Variants in NUP160 observed in about 807,000 individuals in gnomAD.
The protein encoded by NUP160 is nucleoporin 160, also known as nuclear pore complex protein Nup160.
A neutral mutation model predicts 196.9 loss-of-function variants in NUP160; 94 were observed. The observed-to-expected ratio is 0.48, with a 90% CI of 0.40 to 0.57. NUP160 has a LOEUF of 0.57. Ranked by LOEUF, NUP160 falls within the 20% of genes least tolerant of loss-of-function variation. The pLI, the probability that NUP160 is intolerant of heterozygous loss-of-function variation, is 0.00. For synonymous variants in NUP160, 605 were observed against 619.7 expected (o/e 0.98, Z 0.35); for missense variants, 1,638 against 1,748.3 (o/e 0.94, Z 1.13).
intron 35 of NUP160, chr11:47,779,617 C>T (rs758498265): frequency 1.2e-5 from 6 of 514,932 alleles, no homozygotes; most frequent in African/African-American, 9.7e-5. Context: ...CTCAAGGAAA[C>T]ACTATTGTTT....
Position 47,835,625 on chromosome 11 carries a change from T to C in NUP160, c.1101+26A>G, listed in dbSNP as rs775403139. ...CCACATCAGTACACACAGAATAACT[T>C]GGTATGTGTCTTATTTGTTTCATAC... On this transcript the variant is annotated intron_variant, in intron 7 of 35. Transcript: ENST00000378460. 88 of 1,527,070 alleles carry C rather than the reference T, an allele frequency of 5.8e-5. No individual in the cohort carries two copies. The East Asian group carries it at 2.1e-3, about 36-fold the overall frequency. 94.6% of individuals were successfully genotyped at this position (1,527,070 alleles called of 1,614,324 possible).
chr11:47,841,105 A>G (rs1323215037), intron 2 of NUP160, among the ~76,000 whole-genome samples: 2 of 152,220 alleles, frequency 1.3e-5, no homozygotes, highest in Non-Finnish European at 2.9e-5. Flanking sequence ...TAATATAAAA[A>G]TACCTTCGCA....
intron 11 of NUP160, among the ~76,000 whole-genome samples, chr11:47,817,794 A>C (rs1851767936): frequency 1.3e-5 from 2 of 152,346 alleles, no homozygotes; most frequent in Middle Eastern, 3.4e-3. Context: ...TTTTTACAGT[A>C]CTGTAGGTAG....
At chr11:47,816,676 T>C (rs1415059723) in intron 11 of NUP160, among the ~76,000 whole-genome samples, 2 of 151,704 alleles carry the variant, frequency 1.3e-5, no homozygotes, top group Non-Finnish European at 2.9e-5. Flanking sequence ...CTTGGGAGGC[T>C]GAGGCAGGAG....
intron 7 of NUP160, among the ~76,000 whole-genome samples, chr11:47,824,254 T>A (rs1851923699): frequency 6.6e-6 from 1 of 151,772 alleles, no homozygotes; most frequent in African/African-American, 2.4e-5. Context: ...TATTTATTCA[T>A]TCATTCAATT....
chr11:47,811,917 G>C, intron 17 of NUP160, 147 bp downstream of exon 17: 1 of 637,236 alleles, frequency 1.6e-6, no homozygotes, highest in Non-Finnish European at 2.7e-6. Context: ...TATTTATAGA[G>C]CATCTCATAA....
chr11:47,780,444 G>T (rs1565183511), exon 35 of NUP160: 1 of 1,604,334 alleles, frequency 6.2e-7, no homozygotes, highest in Non-Finnish European at 8.5e-7. Context: ...GCGGACAGTG[G>T]AAACTAAAAG....
At chr11:47,780,616 A>C (rs1193831292) in intron 34 of NUP160, among the ~76,000 whole-genome samples, 169 bp from the exon 35 acceptor site, 2 of 150,272 alleles carry the variant, frequency 1.3e-5, no homozygotes, top group Non-Finnish European at 3.0e-5. Flanking sequence ...AGCTCACTGC[A>C]ACCTCCGCCT....
At chr11:47,791,682 G>A (rs2097667992) in intron 29 of NUP160, among the ~76,000 whole-genome samples, 1 of 152,004 alleles carries the variant, frequency 6.6e-6, no homozygotes, top group African/African-American at 2.4e-5. Flanking sequence ...TGGTTCAACT[G>A]GGAGTTTTTT....
intron 7 of NUP160, among the ~76,000 whole-genome samples, chr11:47,829,589 G>A (rs932485370): frequency 3.9e-5 from 6 of 152,140 alleles, no homozygotes; most frequent in African/African-American, 9.7e-5. Flanking sequence ...TTACAGGCAT[G>A]AGCCACCGCA....
rs1852200178 is a variant in NUP160, at chr11:47,837,537, C to T, written c.827+8G>A. The T allele has an allele frequency of 6.2e-7, 1 of 1,612,492 alleles. No homozygotes were observed. Among genetic ancestry groups the T allele is most frequent in the African/African-American group, 1.3e-5 (1 of 74,880 alleles). ...GGCCCTTTGATTTACCTGCCAGACA[C>T]CACTCACCTGATAGCTGTTGGCATC... is the stretch of plus-strand genomic sequence containing the variant. On this transcript the variant is annotated splice_region_variant and intron_variant, in intron 5 of 35. Transcript: ENST00000378460.
chr11:47,838,868 G>A (rs958531276), intron 4 of NUP160, among the ~76,000 whole-genome samples: 2 of 151,954 alleles, frequency 1.3e-5, no homozygotes, highest in Admixed American at 1.3e-4. Flanking sequence ...GCTGGGTATG[G>A]TGGCAAATGC....
intron 27 of NUP160, among the ~76,000 whole-genome samples, chr11:47,793,402 G>T (rs1431501297): frequency 6.6e-6 from 1 of 151,862 alleles, no homozygotes; most frequent in Non-Finnish European, 1.5e-5. Context: ...AAAATCACAT[G>T]TTGGTGAGGA....
intron 7 of NUP160, among the ~76,000 whole-genome samples, chr11:47,823,154 T>G (rs1851898039): frequency 6.6e-6 from 1 of 152,192 alleles, no homozygotes; most frequent in African/African-American, 2.4e-5. Flanking sequence ...TCTTCAAAAA[T>G]TTTTTCTTTT....
intron 6 of NUP160, among the ~76,000 whole-genome samples, chr11:47,836,161 T>A (rs1410133757): frequency 1.3e-5 from 2 of 152,104 alleles, no homozygotes; most frequent in East Asian, 3.9e-4. Context: ...GGCAGGAGAA[T>A]CACTTGAACC....
intron 35 of NUP160, chr11:47,779,721 G>GT: frequency 2.6e-6 from 1 of 387,304 alleles, no homozygotes; most frequent in Non-Finnish European, 5.1e-6. Flanking sequence ...TTATCACACT[G>GT]TATTTCTTTC....
In NUP160 at chr11:47,792,766, A is replaced by T; in HGVS notation, c.3450+20T>A. The T allele has an allele frequency of 1.9e-6, 3 of 1,574,618 alleles. No individual in the cohort carries two copies. The highest frequency in any genetic ancestry group is 2.6e-6 in the Non-Finnish European group (3 of 1,159,594). The stretch of plus-strand genomic sequence containing the variant: ...GTTCCAGGATGAACCCCCAAATTCC[A>T]GGATGAAATGTTTTCATACCACTGC... On this transcript the variant is annotated intron_variant, in intron 28 of 35. Transcript: ENST00000378460.
At chr11:47,778,210 A>C (rs1220272453) in exon 36 of NUP160, 1 of 152,540 alleles carries the variant, frequency 6.6e-6, no homozygotes, top group Non-Finnish European at 1.5e-5. Context: ...AGGCTATACA[A>C]GCAAGTAGTA....
intron 4 of NUP160, among the ~76,000 whole-genome samples, chr11:47,839,343 G>C (rs1405879195): frequency 6.6e-6 from 1 of 152,096 alleles, no homozygotes; most frequent in Non-Finnish European, 1.5e-5. Flanking sequence ...CACCTGCCTT[G>C]GCCTCCCACA....
Sources: allele counts gnomAD v4.1 joint callset (sites outside exome capture counted in the v4.1 genomes callset), GRCh38; gene constraint gnomAD v4.1.1; transcripts MANE v1.5; gene names NCBI Gene and HGNC (gene_info 2026-07-23, HGNC 2026-07-21).